The following ANKRD11 variants were observed in gnomAD, a reference collection of about 807,000 sequenced individuals.
ANKRD11 encodes ankyrin repeat domain 11.
A neutral mutation model predicts 195.7 loss-of-function variants in ANKRD11; 17 were observed. That is an observed-to-expected ratio of 0.09 (90% CI 0.06 to 0.13). ANKRD11 has a LOEUF of 0.13. Ranked by LOEUF, ANKRD11 falls within the 10% of genes least tolerant of loss-of-function variation. The pLI is 1.00. For synonymous variants in ANKRD11, 1,953 were observed against 1,528.1 expected, an observed-to-expected ratio of 1.28 and a Z score of -6.49; for missense variants, 3,735 against 3,566.1, an observed-to-expected ratio of 1.05 and a Z score of -1.21.
Position 89,268,393 on chromosome 16 carries a change from C to T in ANKRD11, c.*85G>A, listed in dbSNP as rs1244980450. 4.6e-5 allele frequency: 29 copies of T among 629,768 alleles called. No homozygotes were observed. The highest frequency in any genetic ancestry group is 5.9e-5 in the Non-Finnish European group (22 of 370,500). 39.0% of individuals were successfully genotyped at this position (629,768 alleles called of 1,614,324 possible). A position where few individuals can be genotyped will look rare whatever the true frequency, so the allele number is the denominator to read the frequency against. On this transcript the variant is annotated 3_prime_UTR_variant, in exon 13 of 13. Transcript: ENST00000301030. Reference sequence around the variant, plus strand: ...TCTCTCCCCGCCCGGGTGGACAGGGCGCTCCCTCCTCCGCCCCTGGGGCTC... The same window carrying T: ...TCTCTCCCCGCCCGGGTGGACAGGGTGCTCCCTCCTCCGCCCCTGGGGCTC...
chr16:89,277,541 A>T lies in ANKRD11; in HGVS notation c.7470+1531T>A, dbSNP rs937101297. ...GAAAACAAAACAACAAAAAGCACAG[A>T]AGGTCAGAAGATCAGAAGGTCTTAC... is the stretch of plus-strand genomic sequence containing the variant. On this transcript the variant is annotated intron_variant, in intron 9 of 12. Coordinates refer to ENST00000301030, the MANE Select transcript of ANKRD11 (RefSeq NM_013275.6). 1.2e-4 allele frequency: 18 copies of T among 152,430 alleles called. 3 individuals carry two copies. Among genetic ancestry groups the T allele is most frequent in the Admixed American group, 7.2e-4 (11 of 15,310 alleles). The allele number at this position is 152,430 out of a possible 1,614,324, so 9.4% of individuals were successfully genotyped here. A position where few individuals can be genotyped will look rare whatever the true frequency, so the allele number is the denominator to read the frequency against.
intron 2 of ANKRD11, among the ~76,000 whole-genome samples, chr16:89,325,856 G>C (rs1305683875): frequency 6.6e-6 from 1 of 152,200 alleles, no homozygotes; most frequent in African/African-American, 2.4e-5. Context: ...TGGCCTCCTA[G>C]AGGAAGGAGG....
chr16:89,407,711 A>T (rs2041963588), intron 2 of ANKRD11, among the ~76,000 whole-genome samples: 1 of 152,096 alleles, frequency 6.6e-6, no homozygotes, highest in Non-Finnish European at 1.5e-5. Flanking sequence ...TTAGCCAGGC[A>T]TTGTGGTGTG....
intron 2 of ANKRD11, among the ~76,000 whole-genome samples, chr16:89,327,069 G>GAATGCAGAGGTTGGA (rs1567652851): frequency 7.7e-5 from 3 of 38,962 alleles, no homozygotes; most frequent in Non-Finnish European, 1.7e-4. Context: ...CAGAGGTGGG[G>GAATGCAGAGGTTGGA]AATGCAGAGG....
chr16:89,388,830 A>G (rs958218429), intron 2 of ANKRD11, among the ~76,000 whole-genome samples: 1 of 152,214 alleles, frequency 6.6e-6, no homozygotes, highest in Admixed American at 6.5e-5. Flanking sequence ...AGCCCGGGGA[A>G]TGATGAACCC....
At chr16:89,269,285 A>G (rs565669565) in intron 12 of ANKRD11, among the ~76,000 whole-genome samples, 1 of 151,944 alleles carries the variant, frequency 6.6e-6, no homozygotes, top group African/African-American at 2.4e-5. Context: ...CCTCCCGAGT[A>G]GCTGGGACTA....
intron 1 of ANKRD11, among the ~76,000 whole-genome samples, chr16:89,435,278 C>A (rs949492240): frequency 6.6e-6 from 1 of 152,122 alleles, no homozygotes; most frequent in Non-Finnish European, 1.5e-5. Flanking sequence ...TGTAAAATGG[C>A]CCAATCAGCG....
chr16:89,436,467 G>T (rs1371776946), intron 1 of ANKRD11, among the ~76,000 whole-genome samples: 1 of 151,956 alleles, frequency 6.6e-6, no homozygotes, highest in African/African-American at 2.4e-5. Context: ...TCATCAACAA[G>T]AGATTCAAGC....
intron 2 of ANKRD11, among the ~76,000 whole-genome samples, chr16:89,325,469 T>TCTCA (rs57249774): frequency 3.7e-4 from 55 of 147,742 alleles, no homozygotes; most frequent in African/African-American, 1.2e-3. Flanking sequence ...TCTCTCTCTC[T>TCTCA]CACACACACA....
intron 2 of ANKRD11, among the ~76,000 whole-genome samples, chr16:89,397,403 G>A (rs912663240): frequency 3.9e-5 from 6 of 152,226 alleles, no homozygotes; most frequent in Non-Finnish European, 7.3e-5. Flanking sequence ...AGCTTTCCGT[G>A]TCCTCAGTGA....
At chr16:89,387,733 T>G (rs894046500) in intron 2 of ANKRD11, among the ~76,000 whole-genome samples, 2 of 145,540 alleles carry the variant, frequency 1.4e-5, no homozygotes, top group Non-Finnish European at 3.0e-5. Flanking sequence ...CCGGGCACGG[T>G]AGCTTGCGCC....
At position 89,286,032 on chromosome 16, in the gene ANKRD11, G is replaced by A. The variant is rs1189621512; in HGVS notation, c.892+7C>T. On this transcript the variant is annotated splice_region_variant and intron_variant, in intron 8 of 12. Coordinates refer to ENST00000301030, the MANE Select transcript of ANKRD11 (RefSeq NM_013275.6). ...AAGAACAGGCAGCTCAGGTGGCCGT[G>A]ACTTACCCGTCGAGCTCTCCTCGCT... 6.2e-7 allele frequency: 1 copy of A among 1,614,136 alleles called. No homozygotes were observed. The highest frequency in any genetic ancestry group is 8.5e-7 in the Non-Finnish European group (1 of 1,180,038).
intron 4 of ANKRD11, among the ~76,000 whole-genome samples, chr16:89,292,092 G>A (rs1279793504): frequency 6.6e-6 from 1 of 152,140 alleles, no homozygotes; most frequent in Non-Finnish European, 1.5e-5. Context: ...CGGGTTCTGG[G>A]GTTTTCTAGG....
intron 1 of ANKRD11, among the ~76,000 whole-genome samples, chr16:89,488,615 T>A (rs1231505213): frequency 6.6e-6 from 1 of 152,196 alleles, no homozygotes; most frequent in African/African-American, 2.4e-5. Flanking sequence ...TTGAACGTTA[T>A]GCCATAGACT....
At chr16:89,288,212 G>A (rs2034787789) in intron 7 of ANKRD11, 1 of 610,080 alleles carries the variant, frequency 1.6e-6, no homozygotes, top group African/African-American at 1.8e-5. Context: ...GGGACCGGCA[G>A]CAACTCCTGC....
intron 1 of ANKRD11, among the ~76,000 whole-genome samples, chr16:89,462,045 TCCCCCTC>T: frequency 8.9e-6 from 1 of 111,972 alleles, no homozygotes; most frequent in African/African-American, 3.3e-5. Context: ...CCTCTCCCTC[TCCCCCTC>T]TCCCTCTCCC....
chr16:89,355,005 C>T (rs1380574465), intron 2 of ANKRD11, among the ~76,000 whole-genome samples: 1 of 152,214 alleles, frequency 6.6e-6, no homozygotes, highest in Non-Finnish European at 1.5e-5. Flanking sequence ...CACAGATTCA[C>T]ATGCTGAAGA....
chr16:89,486,245 G>A (rs1407695422), intron 1 of ANKRD11, among the ~76,000 whole-genome samples: 1 of 151,946 alleles, frequency 6.6e-6, no homozygotes, highest in Non-Finnish European at 1.5e-5. Flanking sequence ...GAAGGCTGAG[G>A]CCTACACAAC....
intron 11 of ANKRD11, among the ~76,000 whole-genome samples, chr16:89,273,866 C>T (rs2033400948): frequency 6.6e-6 from 1 of 152,022 alleles, no homozygotes; most frequent in Non-Finnish European, 1.5e-5. Context: ...TCAGAGTGCC[C>T]AGGGCTGGGG....
Sources: gnomAD v4.1 joint callset for allele counts (sites outside exome capture counted in the v4.1 genomes callset) on GRCh38, gnomAD v4.1.1 for gene constraint, MANE v1.5 for transcripts, NCBI Gene and HGNC (gene_info 2026-07-23, HGNC 2026-07-21) for gene names.